Variants in ADGRE1 observed in about 807,000 individuals in gnomAD.
ADGRE1 encodes the protein adhesion G protein-coupled receptor E1, also known as EGF-like module receptor 1.
Under a neutral mutation model 102.7 loss-of-function variants are expected in ADGRE1, and 82 were observed. The ratio of observed to expected loss-of-function variants is 0.80; its 90% CI spans 0.67 to 0.96. ADGRE1 has a LOEUF of 0.96. ADGRE1 is among the 40% of genes least tolerant of loss of function. ADGRE1 has a pLI of 0.00. For missense variants in ADGRE1, 1,032 were observed against 1,085.3 expected (o/e 0.95, Z 0.69); for synonymous variants, 398 against 399.6 (o/e 1.00, Z 0.05).
chr19:6,933,208 C>T (rs923838958), intron 17 of ADGRE1, among the ~76,000 whole-genome samples: 1 of 152,068 alleles, frequency 6.6e-6, no homozygotes, highest in Non-Finnish European at 1.5e-5. Flanking sequence ...GAGACAAGAG[C>T]GAGACTCCGT....
intron 14 of ADGRE1, 90 bp from the exon 15 acceptor site, chr19:6,924,588 G>T: frequency 1.7e-6 from 2 of 1,163,174 alleles, no homozygotes; most frequent in Non-Finnish European, 2.5e-6. Context: ...AGCTAATTTT[G>T]CCCGAGCCAG....
chr19:6,940,305 T>C lies in ADGRE1; in HGVS notation c.*276T>C. The C allele has an allele frequency of 1.8e-6, 1 of 547,998 alleles. No homozygotes were observed. The highest frequency in any genetic ancestry group is 2.2e-5 in the South Asian group (1 of 45,988). The allele number at this position is 547,998 out of a possible 1,614,324, so 33.9% of individuals were successfully genotyped here. On this transcript the variant is annotated 3_prime_UTR_variant, in exon 21 of 21. Coordinates refer to ENST00000312053, the MANE Select transcript of ADGRE1 (RefSeq NM_001974.5). ...GAGAACAGACCCAAATTCAATGGCA[T>C]GACCAAGAACACCTGGCTACCATTT...
chr19:6,913,111 G>C (rs1974258309), intron 10 of ADGRE1, among the ~76,000 whole-genome samples: 1 of 152,072 alleles, frequency 6.6e-6, no homozygotes, highest in African/African-American at 2.4e-5. Context: ...TTTTTAATTT[G>C]TTTGTACAGA....
chr19:6,893,323 GA>G (rs1327198552), intron 2 of ADGRE1, among the ~76,000 whole-genome samples: 1 of 152,040 alleles, frequency 6.6e-6, no homozygotes, highest in Non-Finnish European at 1.5e-5. Context: ...TCAGCCTCCT[GA>G]GTAGTTGGGA....
rs754961038 is a variant in ADGRE1 at position 6,913,610 on chromosome 19, T to TGA, written c.1123-28_1123-27dup. The TGA allele has an allele frequency of 4.6e-4, 678 of 1,468,514 alleles. 1 individual carries two copies. In the East Asian group the frequency reaches 6.2e-3, roughly 14 times the overall value. 91.0% of individuals were successfully genotyped at this position (1,468,514 alleles called of 1,614,324 possible). On this transcript the variant is annotated intron_variant, in intron 10 of 20. Transcript: ENST00000312053. ...AAAGGGACAGCTGTTATTTCATTAATGAGAGAGAGAGAGAGAATGAACAAA... is the reference window on the plus strand; with the variant it reads ...AAAGGGACAGCTGTTATTTCATTAATGAGAGAGAGAGAGAGAGAATGAACAAA...
At chr19:6,907,515 T>C (rs1029097487) in intron 9 of ADGRE1, among the ~76,000 whole-genome samples, 1 of 152,016 alleles carries the variant, frequency 6.6e-6, no homozygotes, top group Non-Finnish European at 1.5e-5. Flanking sequence ...AATTTTTGTG[T>C]TTTTAGTAGA....
At chr19:6,891,681 T>G (rs932902421) in intron 2 of ADGRE1, among the ~76,000 whole-genome samples, 1 of 152,108 alleles carries the variant, frequency 6.6e-6, no homozygotes, top group Non-Finnish European at 1.5e-5. Context: ...CTTGAACTCC[T>G]TAGGTGATCT....
chr19:6,903,597 C>T (rs1417950327), intron 6 of ADGRE1, among the ~76,000 whole-genome samples: 2 of 152,142 alleles, frequency 1.3e-5, no homozygotes, highest in African/African-American at 4.8e-5. Context: ...TCTTGACCAC[C>T]TTGGCCCTGA....
Position 6,911,385 on chromosome 19 carries a change from G to GTTTTTTTTTTTTTTTTTT in ADGRE1, c.1123-2265_1123-2248dup, listed in dbSNP as rs772959056. The stretch of plus-strand genomic sequence containing the variant: ...TTTATTAGGTTCTGGATTCCTTTTA[G>GTTTTTTTTTTTTTTTTTT]TTTTTTTTTTTTTTTTTTTTGCTTG... On this transcript the variant is annotated intron_variant, in intron 10 of 20. Coordinates refer to ENST00000312053, the MANE Select transcript of ADGRE1 (RefSeq NM_001974.5). Among the ~76,000 whole-genome samples the GTTTTTTTTTTTTTTTTTT allele has an allele frequency of 2.2e-3, 175 of 79,834 alleles. 9 individuals are homozygous for GTTTTTTTTTTTTTTTTTT. Among genetic ancestry groups the GTTTTTTTTTTTTTTTTTT allele is most frequent in the Non-Finnish European group, 3.0e-3 (130 of 42,802 alleles). The allele number at this position is 79,834 out of a possible 152,430, so 52.4% of individuals were successfully genotyped here.
chr19:6,891,991 G>A (rs1973394829), intron 2 of ADGRE1, among the ~76,000 whole-genome samples: 1 of 152,104 alleles, frequency 6.6e-6, no homozygotes, highest in Admixed American at 6.6e-5. Flanking sequence ...ATGAGATGGG[G>A]AGGTGGACAG....
Position 6,937,237 on chromosome 19 carries a change from C to A in ADGRE1, c.2382-6C>A. ...GAGCCTTACATGCTGTACATCTTCT[C>A]CCCAGGTTACTGACCTTCAAGGCCT... On this transcript the variant is annotated splice_region_variant and splice_polypyrimidine_tract_variant and intron_variant, in intron 18 of 20. Coordinates refer to ENST00000312053, the MANE Select transcript of ADGRE1 (RefSeq NM_001974.5). 1 of 1,612,102 alleles carries A rather than the reference C, an allele frequency of 6.2e-7. No individual in the cohort carries two copies. Among genetic ancestry groups the A allele is most frequent in the Non-Finnish European group, 8.5e-7 (1 of 1,178,836 alleles).
intron 2 of ADGRE1, among the ~76,000 whole-genome samples, chr19:6,891,655 T>C (rs886586452): frequency 5.9e-5 from 9 of 151,998 alleles, no homozygotes; most frequent in African/African-American, 2.2e-4. Context: ...GGGGTTTCAC[T>C]AGAAACCAGG....
At chr19:6,935,974 GGTCA>G (rs1181136228) in intron 18 of ADGRE1, among the ~76,000 whole-genome samples, 1 of 152,084 alleles carries the variant, frequency 6.6e-6, no homozygotes, top group African/African-American at 2.4e-5. Context: ...TATTTTTACA[GGTCA>G]ATTGTGTTTC....
intron 3 of ADGRE1, 86 bp downstream of exon 3, chr19:6,896,627 C>T (rs1973560834): frequency 1.9e-5 from 28 of 1,459,056 alleles, no homozygotes; most frequent in Non-Finnish European, 2.5e-5. Flanking sequence ...GGTACTCCCC[C>T]ACCCCCCATT....
chr19:6,910,731 G>A (rs373450), intron 10 of ADGRE1, among the ~76,000 whole-genome samples: 15 of 151,456 alleles, frequency 9.9e-5, no homozygotes, highest in Admixed American at 2.6e-4. Context: ...ACCACCAAGC[G>A]TGGGTAATAT....
chr19:6,903,890 C>T lies in ADGRE1; in HGVS notation c.742C>T (p.Pro248Ser), dbSNP rs1368183611. ...TGGGAGCTACTTTTGCACCTGCCAC[C>T]CTGGCTTTGCACCAAGCAATGGACA... is the stretch of plus-strand genomic sequence containing the variant. ...TPGSYFCTCH[P>S]GFAPSNGQLN... The change falls in exon 7 of 21, where the codon CCT becomes TCT. Residue 248 changes from proline (P) to serine (S), a missense_variant. Transcript: ENST00000312053. The T allele has an allele frequency of 1.2e-6, 2 of 1,614,190 alleles. No individual in the cohort carries two copies. Among genetic ancestry groups the T allele is most frequent in the Middle Eastern group, 1.6e-4 (1 of 6,062 alleles).
chr19:6,891,276 A>G (rs548842329), intron 2 of ADGRE1: 1 of 152,272 alleles, frequency 6.6e-6, no homozygotes, highest in African/African-American at 2.4e-5. Context: ...CTCCCCAGCC[A>G]TGTGCAACAG....
rs1190600267 is a variant in ADGRE1 at position 6,924,753 on chromosome 19, A to G, written c.1867A>G (p.Thr623Ala). 2 of 1,614,020 alleles carry G rather than the reference A, an allele frequency of 1.2e-6. No homozygotes were observed. Among genetic ancestry groups the G allele is most frequent in the Non-Finnish European group, 8.5e-7 (1 of 1,180,004 alleles). ...SLVCLVLAIA[T>A]FLLCRSIRNH... ...GGTGTGCCTCGTCTTGGCCATCGCC[A>G]CCTTTCTGCTGTGTCGCTCCATCCG... Residue 623 changes from threonine (T) to alanine (A), a missense_variant, in exon 15 of 21, where the codon ACC (threonine) becomes GCC (alanine). By Grantham distance (58) the Thr-to-Ala change is moderately conservative. Transcript: ENST00000312053.
intron 8 of ADGRE1, among the ~76,000 whole-genome samples, chr19:6,905,392 G>A (rs1013584011): frequency 1.9e-4 from 28 of 146,744 alleles, no homozygotes; most frequent in South Asian, 4.3e-4. Context: ...TCACTCTGTC[G>A]CCCAGACTGG....
Sources: allele counts gnomAD v4.1 joint callset (sites outside exome capture counted in the v4.1 genomes callset), GRCh38; gene constraint gnomAD v4.1.1; transcripts MANE v1.5; gene names NCBI Gene and HGNC (gene_info 2026-07-23, HGNC 2026-07-21).